TIAM1: variants seen among roughly 807,000 people sequenced by gnomAD.
TIAM1 encodes the protein rho guanine nucleotide exchange factor TIAM1.
A neutral mutation model predicts 163.5 loss-of-function variants in TIAM1; 65 were observed. The ratio of observed to expected loss-of-function variants is 0.40; its 90% confidence interval spans 0.33 to 0.49. The LOEUF (loss-of-function observed/expected upper bound fraction) is 0.49, where lower values mean the gene tolerates loss of function less well. Ranked by LOEUF, TIAM1 falls within the 20% of genes least tolerant of loss-of-function variation. The probability of loss-of-function intolerance (pLI) is 0.77; values close to 1 mark genes in which losing one functional copy is unlikely to be tolerated. For missense variants in TIAM1, 1,789 were observed against 2,044.7 expected (o/e 0.87, Z 2.41); for synonymous variants, 833 against 810.1 (o/e 1.03, Z -0.48).
rs1569393703 is a variant in TIAM1 at position 31,503,609 on chromosome 21, G to GGAGTGGAAGGGAGGGGAGAGGAGT, written c.-421-39575_-421-39574insACTCCTCTCCCCTCCCTTCCACTC. On this transcript the variant is annotated intron_variant, in intron 1 of 28. Coordinates refer to the TIAM1 transcript ENST00000286827. Reference sequence around the variant, plus strand: ...AAGAGAGGAGGGGAGGGGAGGGGAGGGGAGGGACCTGAAATCAGCACTCCA... The same window carrying GGAGTGGAAGGGAGGGGAGAGGAGT: ...AAGAGAGGAGGGGAGGGGAGGGGAGGGAGTGGAAGGGAGGGGAGAGGAGTGGAGGGACCTGAAATCAGCACTCCA... 3.4e-3 allele frequency among the ~76,000 whole-genome samples: 9 copies of GGAGTGGAAGGGAGGGGAGAGGAGT among 2,650 alleles called. No homozygotes were observed. In the East Asian group the frequency reaches 0.067, roughly 20 times the overall value. 1.7% of individuals were successfully genotyped at this position (2,650 alleles called of 152,430 possible). A position where few individuals can be genotyped will look rare whatever the true frequency, so the allele number is the denominator to read the frequency against.
intron 2 of TIAM1, among the ~76,000 whole-genome samples, chr21:31,399,455 A>T (rs1302598891): frequency 6.6e-6 from 1 of 152,234 alleles, no homozygotes; most frequent in Non-Finnish European, 1.5e-5. Flanking sequence ...CCCAAGGCAA[A>T]GAAAGGAAAT....
intron 1 of TIAM1, among the ~76,000 whole-genome samples, chr21:31,477,711 T>G (rs191898879): frequency 6.6e-6 from 1 of 152,186 alleles, no homozygotes; most frequent in East Asian, 1.9e-4. Context: ...CTAAATGCAT[T>G]TTTTTAAAAT....
At chr21:31,506,824 A>C (rs1235616525) in intron 1 of TIAM1, among the ~76,000 whole-genome samples, 2 of 152,208 alleles carry the variant, frequency 1.3e-5, no homozygotes, top group Admixed American at 6.5e-5. Context: ...TGGTTGAGGC[A>C]GGAGAATCAC....
At chr21:31,460,340 T>C (rs543454194) in intron 2 of TIAM1, among the ~76,000 whole-genome samples, 2 of 152,224 alleles carry the variant, frequency 1.3e-5, no homozygotes, top group Non-Finnish European at 2.9e-5. Context: ...AGTGCCACTG[T>C]TCAAGGTTGG....
chr21:31,183,855 C>A (rs1353778376), intron 14 of TIAM1, among the ~76,000 whole-genome samples: 1 of 151,568 alleles, frequency 6.6e-6, no homozygotes, highest in Non-Finnish European at 1.5e-5. Context: ...CCACCACGCC[C>A]AGCTATTTTT....
chr21:31,504,819 T>TA (rs1397401016), intron 1 of TIAM1, among the ~76,000 whole-genome samples: 1 of 151,642 alleles, frequency 6.6e-6, no homozygotes, highest in Non-Finnish European at 1.5e-5. Flanking sequence ...CCACTGTTAC[T>TA]AAAAAAAAGA....
intron 2 of TIAM1, among the ~76,000 whole-genome samples, chr21:31,399,209 C>T (rs983984199): frequency 6.6e-6 from 1 of 151,746 alleles, no homozygotes; most frequent in African/African-American, 2.4e-5. Flanking sequence ...AACATCAATG[C>T]CCCCTGAGAT....
intron 2 of TIAM1, among the ~76,000 whole-genome samples, chr21:31,327,739 T>C (rs2075541674): frequency 6.7e-6 from 1 of 148,318 alleles, no homozygotes; most frequent in Non-Finnish European, 1.5e-5. Context: ...CACCCCACCA[T>C]CACCCTGCAC....
At chr21:31,425,100 A>G (rs2043737813) in intron 2 of TIAM1, among the ~76,000 whole-genome samples, 1 of 152,048 alleles carries the variant, frequency 6.6e-6, no homozygotes, top group Admixed American at 6.6e-5. Flanking sequence ...AAGATGGTGA[A>G]TTTTATATTA....
chr21:31,538,808 T>G (rs1694686945), intron 1 of TIAM1, among the ~76,000 whole-genome samples: 1 of 152,146 alleles, frequency 6.6e-6, no homozygotes, highest in South Asian at 2.1e-4. Flanking sequence ...TGAAAACGTT[T>G]TTATGCATTT....
At chr21:31,263,902 G>A (rs556256478) in intron 4 of TIAM1, among the ~76,000 whole-genome samples, 1 of 152,238 alleles carries the variant, frequency 6.6e-6, no homozygotes, top group East Asian at 1.9e-4. Flanking sequence ...TCTTTAATAG[G>A]TCACATATCT....
intron 2 of TIAM1, among the ~76,000 whole-genome samples, chr21:31,278,148 C>T (rs1200533235): frequency 6.6e-6 from 1 of 152,148 alleles, no homozygotes; most frequent in Non-Finnish European, 1.5e-5. Context: ...TTATAACAAA[C>T]ATTGAAGAAA....
intron 2 of TIAM1, among the ~76,000 whole-genome samples, chr21:31,304,859 G>A (rs553898834): frequency 1.1e-3 from 163 of 152,124 alleles, no homozygotes; most frequent in African/African-American, 3.4e-3. Context: ...TGCCCGGCTA[G>A]TTTTTGTATT....
chr21:31,353,565 C>A (rs1041742), intron 2 of TIAM1, among the ~76,000 whole-genome samples: 113,114 of 152,044 alleles, frequency 0.74, 42,199 homozygotes, highest in Middle Eastern at 0.79. Context: ...ATTCAATTTT[C>A]TACCTGGTCC....
chr21:31,316,730 T>C (rs75966385), intron 2 of TIAM1, among the ~76,000 whole-genome samples: 2 of 152,178 alleles, frequency 1.3e-5, no homozygotes, highest in Admixed American at 6.5e-5. Flanking sequence ...AGGTGAGTCA[T>C]TGATGTCAAC....
chr21:31,239,937 T>C (rs2071080165), intron 6 of TIAM1, among the ~76,000 whole-genome samples: 1 of 152,178 alleles, frequency 6.6e-6, no homozygotes, highest in South Asian at 2.1e-4. Context: ...CCTGAATATG[T>C]GCCTAACCCA....
At chr21:31,263,812 T>A (rs573784629) in intron 4 of TIAM1, among the ~76,000 whole-genome samples, 1 of 152,182 alleles carries the variant, frequency 6.6e-6, no homozygotes, top group African/African-American at 2.4e-5. Flanking sequence ...GAAGGCCCCA[T>A]AGATCATCTC....
At chr21:31,140,158 A>C (rs2082782041) in intron 22 of TIAM1, among the ~76,000 whole-genome samples, 1 of 152,220 alleles carries the variant, frequency 6.6e-6, no homozygotes, top group Non-Finnish European at 1.5e-5. Flanking sequence ...AAGGACAAAA[A>C]AATGAGCCTG....
chr21:31,299,802 T>C (rs2074432759), intron 2 of TIAM1, among the ~76,000 whole-genome samples: 1 of 152,174 alleles, frequency 6.6e-6, no homozygotes, highest in Admixed American at 6.5e-5. Context: ...CTCGGTTTCC[T>C]CACTGGTAAA....
Sources: allele counts gnomAD v4.1 joint callset (sites outside exome capture counted in the v4.1 genomes callset), GRCh38; gene constraint gnomAD v4.1.1; transcripts MANE v1.5; gene names NCBI Gene and HGNC (gene_info 2026-07-23, HGNC 2026-07-21).